The following PTPRF variants were observed in gnomAD, a reference collection of about 807,000 sequenced individuals.
The protein encoded by PTPRF is protein tyrosine phosphatase receptor type F, also known as receptor-type tyrosine-protein phosphatase F.
A neutral mutation model predicts 201.8 loss-of-function variants in PTPRF; 59 were observed. That is an observed-to-expected ratio of 0.29 (90% CI 0.24 to 0.36). The LOEUF (loss-of-function observed/expected upper bound fraction) is 0.36. PTPRF is among the 10% of genes least tolerant of loss of function. The pLI is 1.00. For missense variants in PTPRF, 2,132 were observed against 2,690.5 expected, an observed-to-expected ratio of 0.79 and a Z score of 4.59; for synonymous variants, 1,088 against 1,089.7, an observed-to-expected ratio of 1.00 and a Z score of 0.03.
At chr1:43,612,637 CCGCCAGCCCCT>C (rs1442947849) in intron 22 of PTPRF, 1 of 705,734 alleles carries the variant, frequency 1.4e-6, no homozygotes, top group Non-Finnish European at 2.2e-6. Context: ...CTCCTCTTCT[CCGCCAGCCCCT>C]CGCAAGCCCG....
upstream of PTPRF, among the ~76,000 whole-genome samples, chr1:43,522,978 G>C (rs1221264323): frequency 6.6e-6 from 1 of 152,222 alleles, no homozygotes; most frequent in Non-Finnish European, 1.5e-5. Flanking sequence ...CAGATGTAGA[G>C]AGATCAGTGA....
chr1:43,614,737 G>A (rs1657312683), intron 23 of PTPRF, among the ~76,000 whole-genome samples: 1 of 152,134 alleles, frequency 6.6e-6, no homozygotes, highest in Non-Finnish European at 1.5e-5. Flanking sequence ...TGTAGTCCCA[G>A]CTATTTGTGA....
chr1:43,545,985 T>C (rs973458818), intron 3 of PTPRF, among the ~76,000 whole-genome samples: 3 of 152,018 alleles, frequency 2.0e-5, no homozygotes, highest in East Asian at 3.9e-4. Context: ...ATTTAGCCAA[T>C]CTGCAGGCTG....
At chr1:43,561,189 A>G (rs1453183246) in intron 5 of PTPRF, among the ~76,000 whole-genome samples, 1 of 152,152 alleles carries the variant, frequency 6.6e-6, no homozygotes, top group Non-Finnish European at 1.5e-5. Context: ...AGGGTCAATG[A>G]TAGACATATG....
intron 22 of PTPRF, chr1:43,612,883 C>T: frequency 8.7e-7 from 1 of 1,143,290 alleles, no homozygotes; most frequent in Non-Finnish European, 1.2e-6. Context: ...TACCCCATCG[C>T]CTCCATCCTT....
At position 43,542,796 on chromosome 1, in the gene PTPRF, T is replaced by C. The variant is rs939986551; in HGVS notation, c.-45-2235T>C. On this transcript the variant is annotated intron_variant, in intron 2 of 33. Transcript: ENST00000359947. The surrounding 1 kb of genome is among the most constrained non-coding windows in gnomAD (Gnocchi z 5.2). ...CCATGATGTCTGCACCTGGGCGTTA[T>C]ACTGCTATGATTACTGCACCAAGGC... Among the ~76,000 whole-genome samples the C allele has an allele frequency of 1.3e-5, 2 of 152,186 alleles. No individual in the cohort carries two copies. Among genetic ancestry groups the C allele is most frequent in the African/African-American group, 4.8e-5 (2 of 41,430 alleles).
intron 5 of PTPRF, among the ~76,000 whole-genome samples, chr1:43,559,862 G>C (rs1016676572): frequency 1.4e-5 from 2 of 147,426 alleles, no homozygotes; most frequent in Non-Finnish European, 3.0e-5. Context: ...TGTGCAGCAG[G>C]TGGTGTGTAG....
At chr1:43,558,430 G>C (rs927358173) in intron 5 of PTPRF, among the ~76,000 whole-genome samples, 1 of 152,018 alleles carries the variant, frequency 6.6e-6, no homozygotes, top group African/African-American at 2.4e-5. Context: ...TTTGCACCTC[G>C]CATCTGAGCA....
chr1:43,526,703 G>A (rs1376304270), upstream of PTPRF, among the ~76,000 whole-genome samples: 1 of 152,186 alleles, frequency 6.6e-6, no homozygotes, highest in African/African-American at 2.4e-5. Flanking sequence ...AAGGACTAAG[G>A]GCTGCAACTG....
In PTPRF at chr1:43,554,148, C is replaced by A. The variant is rs376664926; in HGVS notation, c.379+207C>A. Among the ~76,000 whole-genome samples the A allele has an allele frequency of 1.8e-4, 28 of 152,276 alleles. 1 individual carries two copies. The East Asian group carries it at 2.9e-3, about 16-fold the overall frequency. On this transcript the variant is annotated intron_variant, in intron 5 of 33. Coordinates refer to ENST00000359947, the MANE Select transcript of PTPRF (RefSeq NM_002840.5). The surrounding 1 kb of genome is among the most constrained non-coding windows in gnomAD (Gnocchi z 4.1). ...TTATGCTGAGGCCAGCCATGTGGGG[C>A]ATGATGCCTTTGTATTCTCCTGCTG...
At chr1:43,616,186 G>A (rs1053740170) in intron 23 of PTPRF, among the ~76,000 whole-genome samples, 1 of 151,238 alleles carries the variant, frequency 6.6e-6, no homozygotes, top group African/African-American at 2.4e-5. Flanking sequence ...TGCGTGCTAT[G>A]CTGAGAACTT....
chr1:43,563,177 C>CAA (rs61595608), intron 5 of PTPRF, among the ~76,000 whole-genome samples: 1 of 134,104 alleles, frequency 7.5e-6, no homozygotes, highest in East Asian at 2.1e-4. Context: ...GACTCCATCT[C>CAA]AAAAAAAAAA....
chr1:43,590,909 TCTAGGGTTGGTTC>T, intron 8 of PTPRF, 50 bp from the exon 9 acceptor site: 1 of 1,429,454 alleles, frequency 7.0e-7, no homozygotes, highest in South Asian at 1.3e-5. Flanking sequence ...AATCCCCAAG[TCTAGGGTTGGTTC>T]CTAAGGATCT....
intron 7 of PTPRF, 69 bp downstream of exon 7, chr1:43,578,989 C>T (rs1647127043): frequency 1.4e-6 from 2 of 1,451,620 alleles, no homozygotes; most frequent in South Asian, 1.2e-5. Context: ...GCTCTCTGCC[C>T]AGAGCCCTTG....
chr1:43,526,562 A>G (rs1643121502), upstream of PTPRF, among the ~76,000 whole-genome samples: 1 of 152,098 alleles, frequency 6.6e-6, no homozygotes, highest in Non-Finnish European at 1.5e-5. Flanking sequence ...TGTCTGAGCT[A>G]AGAGGGAGAA....
Position 43,619,458 on chromosome 1 carries a change from A to C in PTPRF, c.4817A>C (p.Glu1606Ala). The C allele has an allele frequency of 6.2e-7, 1 of 1,614,078 alleles. No individual in the cohort carries two copies. The highest frequency in any genetic ancestry group is 1.3e-5 in the African/African-American group (1 of 75,058). ...QYVFIHEALL[E>A]AATCGHTEVP... ...GTGTTCATCCATGAGGCGCTGCTGG[A>C]GGCTGCCACGTGCGGCCACACAGAG... The change falls in exon 28 of 34, where the codon GAG becomes GCG. Residue 1606 changes from glutamate (E) to alanine (A), a missense_variant. Physicochemically the swap from Glu to Ala is moderately radical, Grantham distance 107. This residue lies in a region of PTPRF where 519 missense variants were observed against 659.5 expected (regional missense o/e 0.79). Coordinates refer to ENST00000359947, the MANE Select transcript of PTPRF (RefSeq NM_002840.5).
In PTPRF at chr1:43,603,906, C is replaced by T. The variant is rs1570559298; in HGVS notation, c.2754C>T (p.Phe918=). The change falls in exon 16 of 34, where the codon TTC becomes TTT. Residue 918 remains phenylalanine, a synonymous_variant. Transcript: ENST00000359947. This position sits in a 1 kb window ranked among gnomAD's most constrained non-coding sequence, Gnocchi z 5.8. ...CCCCCGAGGACCTGCCCAGCGGCTT[C>T]CCCCAAAACCTGCATGTGACAGGAC... ...IRTPEDLPSG[F]PQNLHVTGLT... 1 of 1,614,050 alleles carries T rather than the reference C, an allele frequency of 6.2e-7. No individual in the cohort carries two copies. Among genetic ancestry groups the T allele is most frequent in the East Asian group, 2.2e-5 (1 of 44,880 alleles).
chr1:43,620,948 C>T lies in PTPRF; in HGVS notation c.5475C>T (p.Thr1825=). Residue 1825 remains threonine (T), a synonymous_variant, in exon 32 of 34, where the codon ACC becomes ACT. Coordinates refer to ENST00000359947, the MANE Select transcript of PTPRF (RefSeq NM_002840.5). The part of the protein sequence containing the change: ...FIDFIGQVHK[T]KEQFGQDGPI... Reference sequence around the variant, plus strand: ...ACTTCATCGGGCAGGTGCATAAGACCAAGGAGCAGTTTGGACAGGATGGGC... The same window carrying T: ...ACTTCATCGGGCAGGTGCATAAGACTAAGGAGCAGTTTGGACAGGATGGGC... 6.2e-7 allele frequency: 1 copy of T among 1,614,156 alleles called. No individual in the cohort carries two copies. The highest frequency in any genetic ancestry group is 1.1e-5 in the South Asian group (1 of 91,080).
intron 11 of PTPRF, among the ~76,000 whole-genome samples, chr1:43,594,919 G>A (rs1651862510): frequency 1.3e-5 from 2 of 152,168 alleles, no homozygotes; most frequent in Admixed American, 6.5e-5. Context: ...ATCAGGGGAG[G>A]GGAGCGACTT....
Sources: allele counts gnomAD v4.1 joint callset (sites outside exome capture counted in the v4.1 genomes callset), GRCh38; gene constraint gnomAD v4.1.1; regional missense constraint gnomAD v4.1.1; non-coding constraint Gnocchi (gnomAD v3.1); transcripts MANE v1.5; gene names NCBI Gene and HGNC (gene_info 2026-07-23, HGNC 2026-07-21).